Variants in CPT1A observed in about 807,000 individuals in gnomAD.
The protein encoded by CPT1A is carnitine palmitoyltransferase 1A, also known as carnitine O-palmitoyltransferase 1, liver isoform.
CPT1A carries 64 observed loss-of-function variants against 100.8 expected under a neutral mutation model. The observed-to-expected ratio is 0.63, with a 90% CI of 0.52 to 0.78. The LOEUF is 0.78. Ranked by LOEUF, CPT1A falls within the 30% of genes least tolerant of loss-of-function variation. The pLI is 0.00. For missense variants in CPT1A, 802 were observed against 1,034.1 expected (o/e 0.78, Z 3.08); for synonymous variants, 363 against 396.0 (o/e 0.92, Z 0.99).
chr11:68,781,827 C>T lies in CPT1A; in HGVS notation c.1296G>A (p.Pro432=), dbSNP rs756320661. 76 of 1,614,002 alleles carry T rather than the reference C, an allele frequency of 4.7e-5. No individual in the cohort carries two copies. The highest frequency in any genetic ancestry group is 5.8e-5 in the Non-Finnish European group (69 of 1,180,036). The stretch of plus-strand genomic sequence containing the variant: ...TGGCGTAGCTGTCCATTGACGTATC[C>T]GGGTCTTCACTTCTGTATCCTTCTT... ...ETEEGYRSED[P]DTSMDSYAKS... The change falls in exon 11 of 19, where the codon CCG becomes CCA. Residue 432 remains proline (P), a synonymous_variant. Coordinates refer to ENST00000265641, the MANE Select transcript of CPT1A (RefSeq NM_001876.4).
chr11:68,824,056 G>A (rs192557695), intron 1 of CPT1A, among the ~76,000 whole-genome samples: 1 of 152,120 alleles, frequency 6.6e-6, no homozygotes, highest in East Asian at 1.9e-4. Context: ...AGACCAGCCT[G>A]GACAACATGG....
chr11:68,796,913 C>G lies in CPT1A; in HGVS notation c.714G>C (p.Glu238Asp), dbSNP rs1334949013. The G allele has an allele frequency of 6.2e-7, 1 of 1,613,942 alleles. No homozygotes were observed. Among genetic ancestry groups the G allele is most frequent in the Non-Finnish European group, 8.5e-7 (1 of 1,179,994 alleles). ...GCCCTCGTCCTCGGAGGTAGATGTA[C>G]TCCTCCCACCAGTCGCTCACCTAGT... ...ATNYVSDWWE[E>D]YIYLRGRGPL... Residue 238 changes from glutamate (E) to aspartate (D), a missense_variant, in exon 7 of 19, where the codon GAG becomes GAC. Glu to Asp is a conservative substitution (Grantham distance 45). Around this residue, in one of 4 missense-constraint regions of CPT1A, gnomAD observed 627 missense variants for 799.3 expected, o/e 0.78. Coordinates refer to ENST00000265641, the MANE Select transcript of CPT1A (RefSeq NM_001876.4).
At chr11:68,760,158 C>T in intron 17 of CPT1A, 67 bp downstream of exon 17, 1 of 1,114,930 alleles carries the variant, frequency 9.0e-7, no homozygotes, top group Non-Finnish European at 1.3e-6. Flanking sequence ...GAGATGGGCC[C>T]ATCACACCCC....
Position 68,759,614 on chromosome 11 carries a change from G to T in CPT1A, c.2190C>A (p.Asn730Lys), listed in dbSNP as rs1315769097. The change falls in exon 18 of 19, where the codon AAC becomes AAA. Residue 730 changes from asparagine (N) to lysine (K), a missense_variant. Coordinates refer to ENST00000265641, the MANE Select transcript of CPT1A (RefSeq NM_001876.4). Reference sequence around the variant, plus strand: ...TGGAAGAAATGTGGAAATTGATGAGGTTCTCTCCCACAAGGATGTACGACA... The same window carrying T: ...TGGAAGAAATGTGGAAATTGATGAGTTTCTCTCCCACAAGGATGTACGACA... ...YGVSYILVGE[N>K]LINFHISSKF... The T allele has an allele frequency of 6.2e-7, 1 of 1,613,726 alleles. No individual in the cohort carries two copies. Among genetic ancestry groups the T allele is most frequent in the Non-Finnish European group, 8.5e-7 (1 of 1,179,788 alleles).
chr11:68,817,312 C>G (rs1856455237), intron 1 of CPT1A, among the ~76,000 whole-genome samples: 1 of 152,130 alleles, frequency 6.6e-6, no homozygotes, highest in Non-Finnish European at 1.5e-5. Context: ...CAGCCTGACT[C>G]AGTCCTCCAC....
At position 68,817,140 on chromosome 11, in the gene CPT1A, G is replaced by T. The variant is rs1437160202; in HGVS notation, c.-13-1653C>A. On this transcript the variant is annotated intron_variant, in intron 1 of 18. Transcript: ENST00000265641. The stretch of plus-strand genomic sequence containing the variant: ...GTGTGTGGTGATGTGTGGTTGTGTG[G>T]GGGTGTGTGTGTCTGTGTGTGTGTG... Among the ~76,000 whole-genome samples, 10 of 121,492 alleles carry T rather than the reference G, an allele frequency of 8.2e-5. No individual in the cohort carries two copies. The East Asian group carries it at 9.8e-4, about 12-fold the overall frequency. The allele number at this position is 121,492 out of a possible 152,430, so 79.7% of individuals were successfully genotyped here. A position where few individuals can be genotyped will look rare whatever the true frequency, so the allele number is the denominator to read the frequency against.
rs531525013 is a variant in CPT1A, at chr11:68,820,873, C to A, written c.-13-5386G>T. On this transcript the variant is annotated intron_variant, in intron 1 of 18. Coordinates refer to ENST00000265641, the MANE Select transcript of CPT1A (RefSeq NM_001876.4). ...TACACAGGAAAACACCTCGTATACA[C>A]ATCTGTCCCCCGGAATCTGAGGGGG... Among the ~76,000 whole-genome samples the A allele has an allele frequency of 2.0e-5, 3 of 152,304 alleles. No homozygotes were observed. In the East Asian group the frequency reaches 5.8e-4, roughly 29 times the overall value.
Position 68,780,762 on chromosome 11 carries a change from T to G in CPT1A, c.1353-17A>C. 1 of 1,606,692 alleles carries G rather than the reference T, an allele frequency of 6.2e-7. No individual in the cohort carries two copies. Among genetic ancestry groups the G allele is most frequent in the Non-Finnish European group, 8.5e-7 (1 of 1,173,270 alleles). On this transcript the variant is annotated splice_polypyrimidine_tract_variant and intron_variant, in intron 11 of 18. Coordinates refer to ENST00000265641, the MANE Select transcript of CPT1A (RefSeq NM_001876.4). ...TCAAACCACCTACGTGAAACACACA[T>G]GTGTGGAACTTAAGTGTTTAAAGAG...
intron 8 of CPT1A, among the ~76,000 whole-genome samples, chr11:68,794,095 A>G (rs1001359605): frequency 1.3e-5 from 2 of 152,234 alleles, no homozygotes; most frequent in African/African-American, 4.8e-5. Flanking sequence ...AAAGTACAAC[A>G]GATGTATATT....
chr11:68,832,026 T>G (rs1247677413), intron 1 of CPT1A, among the ~76,000 whole-genome samples: 2 of 152,192 alleles, frequency 1.3e-5, no homozygotes, highest in Non-Finnish European at 2.9e-5. Context: ...CATTAGATCA[T>G]TTAATTCCCA....
At chr11:68,783,719 G>A (rs1238177494) in intron 10 of CPT1A, among the ~76,000 whole-genome samples, 2 of 152,214 alleles carry the variant, frequency 1.3e-5, no homozygotes, top group Non-Finnish European at 2.9e-5. Flanking sequence ...GGTGGGCAGA[G>A]GCCAGGGCTG....
chr11:68,796,979 C>T lies in CPT1A; in HGVS notation c.694-46G>A, dbSNP rs948541032. On this transcript the variant is annotated intron_variant, in intron 6 of 18. Transcript: ENST00000265641. ...ACAAACCCGCAGGCTCAGCAGGGGC[C>T]AGGCAGGCTCCCTGGCAGCAGCCCA... 1.9e-6 allele frequency: 3 copies of T among 1,596,664 alleles called. No individual in the cohort carries two copies. The African/African-American group carries it at 4.0e-5, about 21-fold the overall frequency.
chr11:68,759,729 G>T, intron 17 of CPT1A, 68 bp from the exon 18 acceptor site: 1 of 1,175,830 alleles, frequency 8.5e-7, no homozygotes, highest in Non-Finnish European at 1.3e-6. Flanking sequence ...ACTTTCTAAT[G>T]TTCTAAATGC....
At chr11:68,762,542 T>C in intron 15 of CPT1A, 85 bp downstream of exon 15, 2 of 1,547,896 alleles carry the variant, frequency 1.3e-6, no homozygotes, top group Non-Finnish European at 1.8e-6. Context: ...AATGATGAGA[T>C]CAGAGAAGCT....
intron 1 of CPT1A, among the ~76,000 whole-genome samples, chr11:68,820,897 G>T (rs1003120116): frequency 2.6e-5 from 4 of 152,078 alleles, no homozygotes; most frequent in African/African-American, 9.7e-5. Context: ...AATCTGAGGG[G>T]GACTAGTTGC....
chr11:68,817,939 T>C (rs1856478967), intron 1 of CPT1A, among the ~76,000 whole-genome samples: 1 of 151,780 alleles, frequency 6.6e-6, no homozygotes, highest in African/African-American at 2.4e-5. Flanking sequence ...GGGGGCCTAG[T>C]TTGGAGAGGA....
At chr11:68,834,087 T>C (rs191393880) in intron 1 of CPT1A, among the ~76,000 whole-genome samples, 1 of 152,358 alleles carries the variant, frequency 6.6e-6, no homozygotes, top group East Asian at 1.9e-4. Flanking sequence ...TACTGAAGTT[T>C]ATCATAATGG....
intron 1 of CPT1A, among the ~76,000 whole-genome samples, chr11:68,824,082 A>G (rs1292406368): frequency 5.3e-5 from 8 of 151,736 alleles, no homozygotes; most frequent in Non-Finnish European, 1.0e-4. Flanking sequence ...CCCCATCTCT[A>G]CTAAAAATAC....
At chr11:68,810,597 C>A (rs1486273854) in intron 3 of CPT1A, among the ~76,000 whole-genome samples, 2 of 152,124 alleles carry the variant, frequency 1.3e-5, no homozygotes, top group African/African-American at 2.4e-5. Flanking sequence ...CCTCTGCAGA[C>A]CCTTCGCAAA....
Sources: allele counts gnomAD v4.1 joint callset (sites outside exome capture counted in the v4.1 genomes callset), GRCh38; gene constraint gnomAD v4.1.1; regional missense constraint gnomAD v4.1.1; transcripts MANE v1.5; gene names NCBI Gene and HGNC (gene_info 2026-07-23, HGNC 2026-07-21).